SIL1: variants seen among roughly 807,000 people sequenced by gnomAD.
SIL1 encodes the protein nucleotide exchange factor SIL1.
Under a neutral mutation model 49.1 loss-of-function variants are expected in SIL1, and 40 were observed. That is an observed-to-expected ratio of 0.81 (90% CI 0.63 to 1.06). The LOEUF (loss-of-function observed/expected upper bound fraction) is 1.06. Ranked by LOEUF, SIL1 falls within the 50% of genes least tolerant of loss-of-function variation. The probability of loss-of-function intolerance (pLI) is 0.00; values close to 1 mark genes in which losing one functional copy is unlikely to be tolerated. For missense variants in SIL1, 500 were observed against 572.6 expected (o/e 0.87, Z 1.29); for synonymous variants, 253 against 250.8 (o/e 1.01, Z -0.08).
rs57173594 is a variant in SIL1 at position 139,130,498 on chromosome 5, T to C, written c.-10-2645A>G. ...AAAATAACAAGTGTTGGTGAAGATG[T>C]GGATTAACTGGAACCCTCGTACATT... On this transcript the variant is annotated intron_variant, in intron 1 of 9. Transcript: ENST00000394817. Among the ~76,000 whole-genome samples, 910 of 152,282 alleles carry C rather than the reference T, an allele frequency of 6.0e-3. 4 individuals are homozygous for C. Among genetic ancestry groups the C allele is most frequent in the African/African-American group, 0.02 (837 of 41,548 alleles).
chr5:139,072,879 T>C (rs11956159), intron 3 of SIL1, among the ~76,000 whole-genome samples: 39,591 of 151,940 alleles, frequency 0.26, 6,074 homozygotes, highest in Middle Eastern at 0.4. Context: ...AATAACCTGA[T>C]TTTAAAATGG....
Position 139,181,988 on chromosome 5 carries a change from T to C in SIL1, c.-11+16281A>G, listed in dbSNP as rs182162978. On this transcript the variant is annotated intron_variant, in intron 1 of 9. Coordinates refer to ENST00000394817, the MANE Select transcript of SIL1 (RefSeq NM_022464.5). ...CTGTAATACACAGTTTTTGTTTTTT[T>C]GGTTTTTTTTAAGGCAGAGAAGGGG... 4.2e-3 allele frequency among the ~76,000 whole-genome samples: 636 copies of C among 152,262 alleles called. 2 individuals are homozygous for C. Among genetic ancestry groups the C allele is most frequent in the African/African-American group, 0.015 (609 of 41,540 alleles).
intron 3 of SIL1, among the ~76,000 whole-genome samples, chr5:139,084,600 C>T (rs1770167747): frequency 8.2e-6 from 1 of 121,460 alleles, no homozygotes; most frequent in Non-Finnish European, 1.7e-5. Flanking sequence ...CACATGGACA[C>T]AGGAAGGGGA....
intron 7 of SIL1, chr5:139,014,365 C>T (rs891688184): frequency 8.9e-6 from 1 of 112,334 alleles, no homozygotes; most frequent in Non-Finnish European, 1.8e-5. Flanking sequence ...GAAACTTCGT[C>T]TCAAAAAAAA....
Position 139,164,584 on chromosome 5 carries a change from C to G in SIL1, c.-11+33685G>C, listed in dbSNP as rs368609895. Among the ~76,000 whole-genome samples, 31 of 152,314 alleles carry G rather than the reference C, an allele frequency of 2.0e-4. 1 individual carries two copies. In the East Asian group the frequency reaches 5.8e-3, roughly 28 times the overall value. On this transcript the variant is annotated intron_variant, in intron 1 of 9. Coordinates refer to ENST00000394817, the MANE Select transcript of SIL1 (RefSeq NM_022464.5). Reference sequence around the variant, plus strand: ...AGCTCTTTAAAGGCATTACAATCTTCACCATTCATTGAGCACCTACCATGT... The same window carrying G: ...AGCTCTTTAAAGGCATTACAATCTTGACCATTCATTGAGCACCTACCATGT...
At chr5:139,177,721 G>C (rs925828763) in intron 1 of SIL1, among the ~76,000 whole-genome samples, 1 of 152,180 alleles carries the variant, frequency 6.6e-6, no homozygotes, top group Non-Finnish European at 1.5e-5. Flanking sequence ...CTGGCAGCAC[G>C]TAACTCTGAC....
At chr5:139,164,298 C>G (rs1298647700) in intron 1 of SIL1, among the ~76,000 whole-genome samples, 1 of 152,052 alleles carries the variant, frequency 6.6e-6, no homozygotes, top group Non-Finnish European at 1.5e-5. Flanking sequence ...TCTAATGACT[C>G]CATCCCTTCC....
chr5:139,081,685 C>A (rs189610138), intron 3 of SIL1, among the ~76,000 whole-genome samples: 11 of 151,966 alleles, frequency 7.2e-5, no homozygotes, highest in Admixed American at 2.0e-4. Flanking sequence ...TTGAGACCAG[C>A]CTGGCCAACA....
intron 7 of SIL1, among the ~76,000 whole-genome samples, chr5:139,005,262 T>G (rs1768085848): frequency 6.6e-6 from 1 of 152,012 alleles, no homozygotes; most frequent in Non-Finnish European, 1.5e-5. Context: ...AAAAATTTTT[T>G]TTAATTTAAA....
intron 1 of SIL1, among the ~76,000 whole-genome samples, chr5:139,146,075 G>A (rs1751190945): frequency 6.6e-6 from 1 of 152,010 alleles, no homozygotes; most frequent in Admixed American, 6.6e-5. Flanking sequence ...AACTTCTGGG[G>A]TCAAGTGATT....
At position 139,086,837 on chromosome 5, in the gene SIL1, G is replaced by A. The variant is rs1385606009; in HGVS notation, c.244+34198C>T. ...TAGCTGGGCCTGGTGGCACATGCCTGTAATCCCAGCTACTTGGGAGGCTGA... is the reference window on the plus strand; with the variant it reads ...TAGCTGGGCCTGGTGGCACATGCCTATAATCCCAGCTACTTGGGAGGCTGA... On this transcript the variant is annotated intron_variant, in intron 3 of 9. Coordinates refer to ENST00000394817, the MANE Select transcript of SIL1 (RefSeq NM_022464.5). Among the ~76,000 whole-genome samples, 10 of 151,938 alleles carry A rather than the reference G, an allele frequency of 6.6e-5. No homozygotes were observed. In the East Asian group the frequency reaches 7.9e-4, roughly 12 times the overall value.
chr5:139,086,404 G>T (rs1165735496), intron 3 of SIL1, among the ~76,000 whole-genome samples: 2 of 150,492 alleles, frequency 1.3e-5, no homozygotes, highest in Non-Finnish European at 3.0e-5. Context: ...TGCTCTTATT[G>T]CCCAGGCTGG....
chr5:139,033,180 A>T (rs928636193), intron 5 of SIL1, among the ~76,000 whole-genome samples: 1 of 151,908 alleles, frequency 6.6e-6, no homozygotes, highest in Non-Finnish European at 1.5e-5. Flanking sequence ...CTTTTAGTAG[A>T]GAAGGGGTTT....
chr5:139,140,598 A>C (rs1751060647), intron 1 of SIL1, among the ~76,000 whole-genome samples: 1 of 152,142 alleles, frequency 6.6e-6, no homozygotes, highest in Non-Finnish European at 1.5e-5. Flanking sequence ...GAAACACAAA[A>C]ATCAGATGCC....
In SIL1 at chr5:139,044,848, C is replaced by T. The variant is rs539782001; in HGVS notation, c.354-2129G>A. Among the ~76,000 whole-genome samples, 8 of 152,326 alleles carry T rather than the reference C, an allele frequency of 5.3e-5. No homozygotes were observed. The East Asian group carries it at 1.2e-3, about 22-fold the overall frequency. Reference sequence around the variant, plus strand: ...ATTTCCCTGCTCTCACTCAGAGTAACACTTTATGAACACATTGTTTTCACT... The same window carrying T: ...ATTTCCCTGCTCTCACTCAGAGTAATACTTTATGAACACATTGTTTTCACT... On this transcript the variant is annotated intron_variant, in intron 4 of 9. Coordinates refer to ENST00000394817, the MANE Select transcript of SIL1 (RefSeq NM_022464.5).
At chr5:138,959,935 G>A (rs938798477) in intron 7 of SIL1, among the ~76,000 whole-genome samples, 2 of 152,188 alleles carry the variant, frequency 1.3e-5, no homozygotes, top group Admixed American at 6.5e-5. Flanking sequence ...GAGCCAGGGG[G>A]TCCCCAACAT....
chr5:139,110,005 C>T (rs927367198), intron 3 of SIL1, among the ~76,000 whole-genome samples: 5 of 151,808 alleles, frequency 3.3e-5, no homozygotes, highest in Middle Eastern at 3.2e-3. Flanking sequence ...CCCGTCTCTA[C>T]TAAAAATGCA....
intron 3 of SIL1, among the ~76,000 whole-genome samples, chr5:139,059,392 G>A (rs1769534076): frequency 6.6e-6 from 1 of 152,140 alleles, no homozygotes; most frequent in Non-Finnish European, 1.5e-5. Flanking sequence ...CCGGCCATGT[G>A]GAACTGTGAG....
intron 5 of SIL1, chr5:139,035,190 TATG>T: frequency 2.5e-6 from 1 of 403,884 alleles, no homozygotes; most frequent in South Asian, 2.3e-5. Context: ...TGATGTCATC[TATG>T]ATGTCATGAG....
Sources: allele counts gnomAD v4.1 joint callset (sites outside exome capture counted in the v4.1 genomes callset), GRCh38; gene constraint gnomAD v4.1.1; transcripts MANE v1.5; gene names NCBI Gene and HGNC (gene_info 2026-07-23, HGNC 2026-07-21).